Variants in CENPP observed in about 807,000 individuals in gnomAD.
The protein encoded by CENPP is centromere protein P.
CENPP carries 24 observed loss-of-function variants against 35.6 expected under a neutral mutation model. The observed-to-expected ratio is 0.67, with a 90% CI of 0.49 to 0.95. The LOEUF is 0.95. Among genes scored for constraint, CENPP ranks in the 40% least tolerant of loss-of-function variants. The pLI is 0.00. For missense variants in CENPP, 332 were observed against 345.3 expected (o/e 0.96, Z 0.31); for synonymous variants, 120 against 125.5 (o/e 0.96, Z 0.29).
intron 5 of CENPP, among the ~76,000 whole-genome samples, chr9:92,531,581 C>T (rs1217319810): frequency 6.6e-6 from 1 of 152,016 alleles, no homozygotes; most frequent in Non-Finnish European, 1.5e-5. Context: ...GGCTATTTAT[C>T]AGCAATCCGT....
chr9:92,510,239 G>A (rs1402503752), intron 5 of CENPP, among the ~76,000 whole-genome samples: 1 of 152,310 alleles, frequency 6.6e-6, no homozygotes, highest in East Asian at 1.9e-4. Context: ...GGGATTTTCA[G>A]CAGACTACAT....
intron 5 of CENPP, among the ~76,000 whole-genome samples, chr9:92,461,088 T>C (rs960752778): frequency 3.3e-5 from 5 of 149,356 alleles, no homozygotes; most frequent in Admixed American, 1.3e-4. Flanking sequence ...ATCTCCATTT[T>C]TCCTATCTTG....
At chr9:92,509,828 A>G in intron 5 of CENPP, 1 of 1,455,266 alleles carries the variant, frequency 6.9e-7, no homozygotes, top group African/African-American at 1.5e-5. Context: ...AATACAGTAA[A>G]TAAAATTTCT....
intron 5 of CENPP, among the ~76,000 whole-genome samples, chr9:92,533,328 A>AAAAAATATAT (rs1554683138): frequency 7.8e-5 from 3 of 38,336 alleles, no homozygotes; most frequent in Non-Finnish European, 1.3e-4. Flanking sequence ...AAAAAAAAAA[A>AAAAAATATAT]ATATATATAT....
intron 5 of CENPP, among the ~76,000 whole-genome samples, chr9:92,480,767 A>G (rs1398457560): frequency 6.6e-6 from 1 of 152,210 alleles, no homozygotes; most frequent in Non-Finnish European, 1.5e-5. Context: ...CACAGGTACC[A>G]GTAGCAGATT....
chr9:92,617,111 A>C lies in CENPP; in HGVS notation c.*3962A>C, dbSNP rs1851466017. ...GTAACTATTCTCATCTGAAGAGTAA[A>C]CAGCAAATAACTCATTTACAAATTA... On this transcript the variant is annotated 3_prime_UTR_variant, in exon 8 of 8. Coordinates refer to ENST00000375587, the MANE Select transcript of CENPP (RefSeq NM_001012267.3). The C allele has an allele frequency of 6.6e-6, 1 of 152,180 alleles. No individual in the cohort carries two copies. The highest frequency in any genetic ancestry group is 1.5e-5 in the Non-Finnish European group (1 of 68,046). 9.4% of individuals were successfully genotyped at this position (152,180 alleles called of 1,614,324 possible). A position where few individuals can be genotyped will look rare whatever the true frequency, so the allele number is the denominator to read the frequency against.
intron 5 of CENPP, chr9:92,495,260 C>T (rs887386363): frequency 6.6e-6 from 5 of 758,712 alleles, no homozygotes; most frequent in Admixed American, 6.3e-5. Flanking sequence ...AAGAAGTCAA[C>T]ATAGTTTCTA....
chr9:92,616,050 G>T lies in CENPP; in HGVS notation c.*2901G>T. ...CTCGATGAAGGGACGACAGGCCTTT[G>T]ATCAGAGCTGCAAGTAAAAAGTACC... On this transcript the variant is annotated 3_prime_UTR_variant, in exon 8 of 8. Coordinates refer to ENST00000375587, the MANE Select transcript of CENPP (RefSeq NM_001012267.3). 6.2e-7 allele frequency: 1 copy of T among 1,612,828 alleles called. No homozygotes were observed. The highest frequency in any genetic ancestry group is 1.1e-5 in the South Asian group (1 of 90,930).
intron 4 of CENPP, among the ~76,000 whole-genome samples, chr9:92,348,197 G>A (rs1162150926): frequency 1.4e-5 from 2 of 148,104 alleles, no homozygotes; most frequent in Non-Finnish European, 3.0e-5. Context: ...GACCTCAAAT[G>A]ATCCACCCAC....
intron 5 of CENPP, chr9:92,385,812 A>T: frequency 6.2e-7 from 1 of 1,613,306 alleles, no homozygotes; most frequent in Non-Finnish European, 8.5e-7. Context: ...CGAGGAAAAC[A>T]TTGTTCAGAA....
chr9:92,449,699 A>G (rs1279978606), intron 5 of CENPP, among the ~76,000 whole-genome samples: 2 of 151,942 alleles, frequency 1.3e-5, no homozygotes, highest in Non-Finnish European at 2.9e-5. Flanking sequence ...AGCAGTTCTC[A>G]TGATAGTAAG....
chr9:92,522,394 T>A (rs887669623), intron 5 of CENPP, among the ~76,000 whole-genome samples: 3 of 152,228 alleles, frequency 2.0e-5, no homozygotes, highest in African/African-American at 4.8e-5. Flanking sequence ...CCCTATTTTT[T>A]AAATTATTTT....
At chr9:92,596,761 G>A (rs1433335415) in intron 5 of CENPP, among the ~76,000 whole-genome samples, 1 of 151,996 alleles carries the variant, frequency 6.6e-6, no homozygotes, top group African/African-American at 2.4e-5. Context: ...AAGAGCCAGA[G>A]AGGTTCTGGA....
At chr9:92,430,887 CT>C (rs1844091115) in intron 5 of CENPP, among the ~76,000 whole-genome samples, 1 of 152,158 alleles carries the variant, frequency 6.6e-6, no homozygotes, top group Admixed American at 6.5e-5. Flanking sequence ...CCTCCGCCTC[CT>C]GAGTTCAAGT....
intron 4 of CENPP, among the ~76,000 whole-genome samples, chr9:92,362,592 A>G (rs1317087947): frequency 1.3e-5 from 2 of 152,206 alleles, no homozygotes; most frequent in African/African-American, 2.4e-5. Context: ...TCTCCACTAT[A>G]TGATAACTAA....
chr9:92,359,498 TC>T (rs1165242293), intron 4 of CENPP, among the ~76,000 whole-genome samples: 6 of 152,198 alleles, frequency 3.9e-5, no homozygotes, highest in Admixed American at 3.9e-4. Flanking sequence ...CTTGAAGCTT[TC>T]CATGGGTATG....
intron 5 of CENPP, among the ~76,000 whole-genome samples, chr9:92,522,119 C>T (rs1478226909): frequency 6.6e-6 from 1 of 152,060 alleles, no homozygotes; most frequent in Non-Finnish European, 1.5e-5. Flanking sequence ...CGGAGTCTTG[C>T]TCTGTCGCCC....
intron 5 of CENPP, among the ~76,000 whole-genome samples, chr9:92,398,462 C>T (rs1054101801): frequency 1.4e-4 from 21 of 152,092 alleles, no homozygotes; most frequent in Admixed American, 1.3e-4. Context: ...TTCACAGAAA[C>T]AAGCAGATAC....
intron 5 of CENPP, chr9:92,474,975 A>G (rs1344317577): frequency 1.4e-6 from 2 of 1,454,970 alleles, no homozygotes; most frequent in East Asian, 2.6e-5. Flanking sequence ...ATTCCTGCAT[A>G]TATACATTTC....
Sources: allele counts gnomAD v4.1 joint callset (sites outside exome capture counted in the v4.1 genomes callset), GRCh38; gene constraint gnomAD v4.1.1; transcripts MANE v1.5; gene names NCBI Gene and HGNC (gene_info 2026-07-23, HGNC 2026-07-21).